MROH2B: variants seen among roughly 807,000 people sequenced by gnomAD.
The protein encoded by MROH2B is maestro heat like repeat family member 2B.
MROH2B carries 177 observed loss-of-function variants against 208.6 expected under a neutral mutation model. That is an observed-to-expected ratio of 0.85 (90% CI 0.75 to 0.96). The LOEUF is 0.96. MROH2B is among the 40% of genes least tolerant of loss of function. The pLI is 0.00. For synonymous variants in MROH2B, 728 were observed against 659.0 expected (o/e 1.10, Z -1.60); for missense variants, 2,002 against 1,878.7 (o/e 1.07, Z -1.21).
intron 18 of MROH2B, among the ~76,000 whole-genome samples, chr5:41,043,095 A>C (rs1218231472): frequency 6.6e-6 from 1 of 152,228 alleles, no homozygotes; most frequent in East Asian, 1.9e-4. Flanking sequence ...CATTACTGAC[A>C]ATAGGAAAAT....
intron 10 of MROH2B, 58 bp downstream of exon 10, chr5:41,055,684 G>A (rs1743424522): frequency 7.8e-7 from 1 of 1,274,820 alleles, no homozygotes; most frequent in African/African-American, 1.5e-5. Context: ...GAGTGCATAG[G>A]CTTCAGTCTG....
chr5:41,012,105 A>G (rs2111840850), intron 30 of MROH2B, among the ~76,000 whole-genome samples: 1 of 152,178 alleles, frequency 6.6e-6, no homozygotes, highest in East Asian at 1.9e-4. Context: ...TTAACTCTCC[A>G]GTTGGGAAGA....
At chr5:41,004,050 A>G (rs182522004) in intron 37 of MROH2B, among the ~76,000 whole-genome samples, 1 of 152,292 alleles carries the variant, frequency 6.6e-6, no homozygotes, top group Admixed American at 6.5e-5. Context: ...AAACCGGGAA[A>G]TTTATCTACA....
intron 10 of MROH2B, among the ~76,000 whole-genome samples, 154 bp from the exon 11 acceptor site, chr5:41,054,994 G>A (rs1337692189): frequency 6.6e-6 from 1 of 152,040 alleles, no homozygotes; most frequent in East Asian, 1.9e-4. Context: ...CATCCTCTTT[G>A]TTTCCAAATC....
intron 18 of MROH2B, among the ~76,000 whole-genome samples, chr5:41,043,924 C>T (rs1012065773): frequency 4.6e-5 from 7 of 151,942 alleles, no homozygotes; most frequent in Non-Finnish European, 5.9e-5. Flanking sequence ...ACAAGAACAA[C>T]AGAAATCAGC....
At position 41,061,864 on chromosome 5, in the gene MROH2B, T is replaced by C. The variant is rs561036916; in HGVS notation, c.461-140A>G. 6 of 884,620 alleles carry C rather than the reference T, an allele frequency of 6.8e-6. No individual in the cohort carries two copies. In the African/African-American group the frequency reaches 1.0e-4, roughly 15 times the overall value. The allele number at this position is 884,620 out of a possible 1,614,324, so 54.8% of individuals were successfully genotyped here. On this transcript the variant is annotated intron_variant, in intron 5 of 41. Transcript: ENST00000399564. ...ATCTTACGACTGCATCAAATACACATATAGAAAGTGCTCAGCCACAAAAGT... is the reference window on the plus strand; with the variant it reads ...ATCTTACGACTGCATCAAATACACACATAGAAAGTGCTCAGCCACAAAAGT...
rs889920210 is a variant in MROH2B, at chr5:41,025,729, C to CA, written c.2442-6712dup. Among the ~76,000 whole-genome samples the CA allele has an allele frequency of 1.5e-3, 231 of 151,610 alleles. 6 individuals carry two copies. The East Asian group carries it at 0.037, about 24-fold the overall frequency. ...ATACCAAAGCCTGGCAGAGACACAACAAAAAAAAGAGAATTTTAGACCAAT... is the reference window on the plus strand; with the variant it reads ...ATACCAAAGCCTGGCAGAGACACAACAAAAAAAAAGAGAATTTTAGACCAAT... On this transcript the variant is annotated intron_variant, in intron 24 of 41. Transcript: ENST00000399564.
In MROH2B at chr5:41,033,822, T is replaced by TATC. The variant is rs776934067; in HGVS notation, c.2241+13_2241+15dup. The TATC allele has an allele frequency of 6.9e-7, 1 of 1,444,570 alleles. No homozygotes were observed. The highest frequency in any genetic ancestry group is 1.7e-5 in the African/African-American group (1 of 57,684). The allele number at this position is 1,444,570 out of a possible 1,614,324, so 89.5% of individuals were successfully genotyped here. A position where few individuals can be genotyped will look rare whatever the true frequency, so the allele number is the denominator to read the frequency against. ...CTATCTATCTATCTATCTATCTATC[T>TATC]ATCTATCTCTCCTACCTTGTTCATC... On this transcript the variant is annotated intron_variant, in intron 22 of 41. Coordinates refer to ENST00000399564, the MANE Select transcript of MROH2B (RefSeq NM_173489.5).
At chr5:41,042,630 G>A (rs1018236145) in intron 18 of MROH2B, among the ~76,000 whole-genome samples, 2 of 152,226 alleles carry the variant, frequency 1.3e-5, no homozygotes, top group South Asian at 2.1e-4. Context: ...TTAAGATGGG[G>A]TCTCACCCTG....
intron 21 of MROH2B, among the ~76,000 whole-genome samples, chr5:41,035,597 A>G (rs1230090715): frequency 6.6e-6 from 1 of 152,164 alleles, no homozygotes; most frequent in African/African-American, 2.4e-5. Context: ...TCCAGAATCT[A>G]TAAGGAACTT....
intron 34 of MROH2B, 113 bp from the exon 35 acceptor site, chr5:41,005,758 T>G: frequency 1.1e-6 from 1 of 873,264 alleles, no homozygotes; most frequent in South Asian, 1.6e-5. Flanking sequence ...TGGCTGGGGG[T>G]GGTGGCTCAT....
chr5:41,033,317 A>G (rs1742639610), intron 22 of MROH2B, among the ~76,000 whole-genome samples, 157 bp from the exon 23 acceptor site: 1 of 152,110 alleles, frequency 6.6e-6, no homozygotes, highest in South Asian at 2.1e-4. Context: ...AGTTGCAGGG[A>G]AAGTGAGAAA....
intron 21 of MROH2B, among the ~76,000 whole-genome samples, chr5:41,038,458 T>A (rs1019886054): frequency 1.3e-5 from 2 of 152,210 alleles, no homozygotes; most frequent in African/African-American, 4.8e-5. Flanking sequence ...TCCCATATGT[T>A]CTCATTTCCC....
Position 41,009,342 on chromosome 5 carries a change from C to T in MROH2B, c.3358G>A (p.Ala1120Thr), listed in dbSNP as rs780078430. ...KPASSGKLLQALIDKLETELE... is the reference protein window; with the variant it reads ...KPASSGKLLQTLIDKLETELE... ...TCAGTCTCCAGTTTGTCTATTAAGG[C>T]TTGCAAGAGTTTCCCACTGGAGGCT... The change falls in exon 32 of 42, where the codon GCC becomes ACC. Residue 1120 changes from alanine (A) to threonine (T), a missense_variant. By Grantham distance (58) the Ala-to-Thr change is moderately conservative. Transcript: ENST00000399564. The T allele has an allele frequency of 3.7e-6, 6 of 1,613,936 alleles. No homozygotes were observed. Among genetic ancestry groups the T allele is most frequent in the Non-Finnish European group, 5.1e-6 (6 of 1,179,816 alleles).
In MROH2B at chr5:41,059,117, T is replaced by G. The variant is rs1459171827; in HGVS notation, c.616-914A>C. On this transcript the variant is annotated intron_variant, in intron 6 of 41. Coordinates refer to ENST00000399564, the MANE Select transcript of MROH2B (RefSeq NM_173489.5). Reference sequence around the variant, plus strand: ...TTTGACCCTAACTATTACCCCCACCTGACTCTGTTTCTCTTTCCTGCTCTT... The same window carrying G: ...TTTGACCCTAACTATTACCCCCACCGGACTCTGTTTCTCTTTCCTGCTCTT... Among the ~76,000 whole-genome samples the G allele has an allele frequency of 2.6e-5, 4 of 151,366 alleles. No homozygotes were observed. In the East Asian group the frequency reaches 7.8e-4, roughly 30 times the overall value.
At chr5:41,008,533 G>A in intron 33 of MROH2B, 73 bp downstream of exon 33, 2 of 1,535,400 alleles carry the variant, frequency 1.3e-6, no homozygotes, top group East Asian at 2.3e-5. Context: ...CACAGACCCT[G>A]ACTTCTGCAG....
At chr5:41,019,311 C>A (rs1009290510) in intron 24 of MROH2B, among the ~76,000 whole-genome samples, 1 of 150,996 alleles carries the variant, frequency 6.6e-6, no homozygotes, top group African/African-American at 2.4e-5. Flanking sequence ...GACAGCATTA[C>A]CTACTTGTTT....
In MROH2B at chr5:41,070,906, A is replaced by G; in HGVS notation, c.-54T>C. ...ATAGCACCTAAGTATTAGAAATAGTAAGGCTAAAAAATCAAAGAGGCAGGT... is the reference window on the plus strand; with the variant it reads ...ATAGCACCTAAGTATTAGAAATAGTGAGGCTAAAAAATCAAAGAGGCAGGT... On this transcript the variant is annotated 5_prime_UTR_variant, in exon 1 of 42. Coordinates refer to ENST00000399564, the MANE Select transcript of MROH2B (RefSeq NM_173489.5). 2 of 1,579,174 alleles carry G rather than the reference A, an allele frequency of 1.3e-6. No individual in the cohort carries two copies. The highest frequency in any genetic ancestry group is 1.7e-6 in the Non-Finnish European group (2 of 1,156,538).
At chr5:41,021,125 C>A (rs1742133381) in intron 24 of MROH2B, among the ~76,000 whole-genome samples, 1 of 152,190 alleles carries the variant, frequency 6.6e-6, no homozygotes, top group Non-Finnish European at 1.5e-5. Flanking sequence ...CTACCAAAAT[C>A]TGTTGCATTT....
Sources: gnomAD v4.1 joint callset for allele counts (sites outside exome capture counted in the v4.1 genomes callset) on GRCh38, gnomAD v4.1.1 for gene constraint, MANE v1.5 for transcripts, NCBI Gene and HGNC (gene_info 2026-07-23, HGNC 2026-07-21) for gene names.